GON4L: variants seen among roughly 807,000 people sequenced by gnomAD.
GON4L encodes GON-4-like protein.
A neutral mutation model predicts 211.8 loss-of-function variants in GON4L; 87 were observed. That is an observed-to-expected ratio of 0.41 (90% CI 0.35 to 0.49). GON4L has a LOEUF of 0.49. GON4L is among the 20% of genes least tolerant of loss of function. The pLI is 0.15. For missense variants in GON4L, 2,155 were observed against 2,659.5 expected (o/e 0.81, Z 4.17); for synonymous variants, 875 against 962.6 (o/e 0.91, Z 1.68).
chr1:155,748,103 C>G (rs1571595202), downstream of GON4L: 1 of 1,607,926 alleles, frequency 6.2e-7, no homozygotes, highest in East Asian at 2.2e-5. Context: ...AGCCACCTGT[C>G]AACTTCCCTT....
chr1:155,815,756 G>T, intron 8 of GON4L, 49 bp downstream of exon 8: 1 of 1,077,452 alleles, frequency 9.3e-7, no homozygotes, highest in Non-Finnish European at 1.4e-6. Context: ...AGGAAGCAAA[G>T]TATACCCTGC....
At chr1:155,807,489 G>A (rs556922296) in intron 10 of GON4L, among the ~76,000 whole-genome samples, 8 of 152,006 alleles carry the variant, frequency 5.3e-5, no homozygotes, top group African/African-American at 1.9e-4. Context: ...GGCGGATCAC[G>A]AGGTCAGAAG....
chr1:155,826,850 G>A lies in GON4L; in HGVS notation c.684C>T (p.Leu228=), dbSNP rs371195008. ...QPEEEIEDGG[L]FIPMEEQDNE... Reference sequence around the variant, plus strand: ...AAGAAAGCCTACCCATTGGAATGAAGAGTCCACCATCTTCTATCTCTTCCT... The same window carrying A: ...AAGAAAGCCTACCCATTGGAATGAAAAGTCCACCATCTTCTATCTCTTCCT... Residue 228 remains leucine (L), a synonymous_variant, in exon 3 of 32, where the codon CTC becomes CTT. Transcript: ENST00000368331. 1.1e-5 allele frequency: 18 copies of A among 1,608,878 alleles called. No individual in the cohort carries two copies. Among genetic ancestry groups the A allele is most frequent in the Non-Finnish European group, 1.5e-5 (18 of 1,175,482 alleles).
intron 2 of GON4L, among the ~76,000 whole-genome samples, chr1:155,832,289 AAAAAAAAAAAAAAGAAAGAAAAAAAAAG>A: frequency 6.6e-6 from 1 of 150,920 alleles, no homozygotes; most frequent in South Asian, 2.1e-4. Context: ...CAAAAAAAAA[AAAAAAAAAAAAAAGAAAGAAAAAAAAAG>A]AAAAAAGAAA....
chr1:155,767,284 G>A (rs1350975687), intron 20 of GON4L, 141 bp downstream of exon 20: 1 of 1,571,166 alleles, frequency 6.4e-7, no homozygotes, highest in East Asian at 2.3e-5. Flanking sequence ...AGAAAAGTAA[G>A]GGAAGAAAGG....
intron 2 of GON4L, among the ~76,000 whole-genome samples, chr1:155,837,273 C>T (rs1289831543): frequency 6.6e-6 from 1 of 152,140 alleles, no homozygotes; most frequent in Non-Finnish European, 1.5e-5. Flanking sequence ...GACCTAATGA[C>T]GACTCCCTGC....
rs187114132 is a variant in GON4L, at chr1:155,783,230, T to C, written c.1892+756A>G. Among the ~76,000 whole-genome samples, 4 of 152,318 alleles carry C rather than the reference T, an allele frequency of 2.6e-5. No homozygotes were observed. The East Asian group carries it at 7.7e-4, about 29-fold the overall frequency. On this transcript the variant is annotated intron_variant, in intron 14 of 31. Coordinates refer to ENST00000368331, the MANE Select transcript of GON4L (RefSeq NM_001282860.2). ...ATTGGTTGGCATATCTTATCTTTTT[T>C]CACTAAATTGAAAAATCTCTAAAGG... is the stretch of plus-strand genomic sequence containing the variant.
intron 2 of GON4L, among the ~76,000 whole-genome samples, chr1:155,850,495 T>C (rs182126041): frequency 6.6e-6 from 1 of 152,300 alleles, no homozygotes; most frequent in African/African-American, 2.4e-5. Context: ...CAAAAGAGCT[T>C]TCATCTTTGA....
chr1:155,758,528 T>C (rs188712371), intron 24 of GON4L, among the ~76,000 whole-genome samples: 1 of 152,310 alleles, frequency 6.6e-6, no homozygotes, highest in East Asian at 1.9e-4. Context: ...CTTGAGCTAC[T>C]TGGGAGGCTG....
intron 10 of GON4L, among the ~76,000 whole-genome samples, chr1:155,808,041 AT>A (rs1002576407): frequency 8.3e-4 from 124 of 149,212 alleles, no homozygotes; most frequent in African/African-American, 2.0e-3. Context: ...TTATTTATTT[AT>A]TTTTTTTTTT....
chr1:155,751,783 T>G lies in GON4L; in HGVS notation c.6560A>C (p.Asn2187Thr). The change falls in exon 31 of 32, where the codon AAT (asparagine) becomes ACT (threonine). Residue 2187 changes from asparagine to threonine, a missense_variant. Asn to Thr is a moderately conservative substitution (Grantham distance 65). Transcript: ENST00000368331. ...CGCACCTACCTCAGCAGGGGTCTTA[T>G]TTCCCAGCTGCTGGGAGATGATGTT... The part of the protein sequence containing the change: ...TFNIISQQLG[N>T]KTPAEVSHRF... The G allele has an allele frequency of 1.2e-6, 2 of 1,613,050 alleles. No individual in the cohort carries two copies. The highest frequency in any genetic ancestry group is 1.7e-6 in the Non-Finnish European group (2 of 1,179,178).
chr1:155,768,240 TTGAGGTGAGC>T (rs1268843692), intron 19 of GON4L, among the ~76,000 whole-genome samples: 19 of 144,502 alleles, frequency 1.3e-4, no homozygotes, highest in Non-Finnish European at 2.9e-4. Context: ...GAGGTGGAGG[TTGAGGTGAGC>T]TGAGATCAGA....
At chr1:155,805,654 T>C (rs1156540963) in intron 10 of GON4L, among the ~76,000 whole-genome samples, 2 of 152,100 alleles carry the variant, frequency 1.3e-5, no homozygotes, top group Non-Finnish European at 2.9e-5. Flanking sequence ...GTTAGCATAA[T>C]GCATTTAAAT....
intron 2 of GON4L, among the ~76,000 whole-genome samples, chr1:155,827,823 C>T (rs569581670): frequency 2.6e-5 from 4 of 151,576 alleles, no homozygotes; most frequent in South Asian, 2.1e-4. Context: ...AGCAACATAT[C>T]GAGGCTTTGT....
intron 2 of GON4L, among the ~76,000 whole-genome samples, chr1:155,849,948 A>G (rs1449009837): frequency 6.7e-6 from 1 of 148,292 alleles, no homozygotes; most frequent in East Asian, 1.9e-4. Context: ...AAATTCCAGT[A>G]TCACCTTAAT....
At chr1:155,815,631 T>C (rs983784105) in intron 8 of GON4L, among the ~76,000 whole-genome samples, 174 bp downstream of exon 8, 2 of 152,088 alleles carry the variant, frequency 1.3e-5, no homozygotes, top group Non-Finnish European at 2.9e-5. Flanking sequence ...CTGTATTTCA[T>C]AATACAACAA....
chr1:155,809,032 G>A (rs1180750871), intron 10 of GON4L, among the ~76,000 whole-genome samples: 1 of 151,826 alleles, frequency 6.6e-6, no homozygotes, highest in Non-Finnish European at 1.5e-5. Context: ...TCCTGCTTCA[G>A]CCACCAAGCA....
At chr1:155,815,757 T>C in intron 8 of GON4L, 48 bp downstream of exon 8, 3 of 1,078,786 alleles carry the variant, frequency 2.8e-6, no homozygotes, top group Non-Finnish European at 4.3e-6. Context: ...GGAAGCAAAG[T>C]ATACCCTGCT....
At chr1:155,830,422 C>A (rs982435160) in intron 2 of GON4L, among the ~76,000 whole-genome samples, 1 of 151,428 alleles carries the variant, frequency 6.6e-6, no homozygotes, top group Non-Finnish European at 1.5e-5. Flanking sequence ...GGATTATAGG[C>A]ATGCACCACC....
Sources: gnomAD v4.1 joint callset for allele counts (sites outside exome capture counted in the v4.1 genomes callset) on GRCh38, gnomAD v4.1.1 for gene constraint, MANE v1.5 for transcripts, NCBI Gene and HGNC (gene_info 2026-07-23, HGNC 2026-07-21) for gene names.